COL12A1: variants seen among roughly 807,000 people sequenced by gnomAD.
COL12A1 encodes the protein collagen alpha-1(XII) chain.
In COL12A1, 114 loss-of-function variants were observed where a neutral mutation model predicts 349.7. The observed-to-expected ratio is 0.33, with a 90% CI of 0.28 to 0.38. The LOEUF (loss-of-function observed/expected upper bound fraction) is 0.38. COL12A1 is among the 10% of genes least tolerant of loss of function. The probability of loss-of-function intolerance (pLI) is 1.00; values close to 1 mark genes in which losing one functional copy is unlikely to be tolerated. For synonymous variants in COL12A1, 1,369 were observed against 1,329.0 expected, an observed-to-expected ratio of 1.03 and a Z score of -0.66; for missense variants, 3,284 against 3,756.9, an observed-to-expected ratio of 0.87 and a Z score of 3.29.
chr6:75,166,410 G>A (rs1768309875), intron 13 of COL12A1, among the ~76,000 whole-genome samples: 1 of 152,136 alleles, frequency 6.6e-6, no homozygotes, highest in African/African-American at 2.4e-5. Flanking sequence ...AAACTTAAAA[G>A]TGATTAGTCA....
chr6:75,159,542 A>C (rs1356196859), intron 14 of COL12A1, among the ~76,000 whole-genome samples: 2 of 150,812 alleles, frequency 1.3e-5, no homozygotes, highest in African/African-American at 4.8e-5. Flanking sequence ...AGTATATAGA[A>C]AAATAATCTA....
At chr6:75,132,678 A>T (rs1766369735) in intron 34 of COL12A1, among the ~76,000 whole-genome samples, 1 of 152,248 alleles carries the variant, frequency 6.6e-6, no homozygotes, top group South Asian at 2.1e-4. Flanking sequence ...TAATTTAACC[A>T]ATAACATCAT....
chr6:75,183,681 T>A (rs369800441), intron 9 of COL12A1, 29 bp from the exon 10 acceptor site: 2 of 1,569,054 alleles, frequency 1.3e-6, no homozygotes, highest in Non-Finnish European at 1.7e-6. Context: ...TACATTAAAC[T>A]TCAATACATA....
chr6:75,135,164 G>C (rs1416065954), intron 31 of COL12A1, among the ~76,000 whole-genome samples: 3 of 151,568 alleles, frequency 2.0e-5, no homozygotes, highest in African/African-American at 7.3e-5. Context: ...AAAAGGGGGC[G>C]GGGGGGACTA....
At chr6:75,186,285 A>G (rs1562302354) in intron 8 of COL12A1, among the ~76,000 whole-genome samples, 1 of 152,146 alleles carries the variant, frequency 6.6e-6, no homozygotes, top group African/African-American at 2.4e-5. Flanking sequence ...ACAACACACA[A>G]CCCCATTTAA....
chr6:75,159,424 T>C (rs943948691), intron 14 of COL12A1, among the ~76,000 whole-genome samples: 2 of 147,230 alleles, frequency 1.4e-5, no homozygotes, highest in Non-Finnish European at 3.0e-5. Flanking sequence ...ATATATAAAA[T>C]ATATATTATT....
chr6:75,152,981 GT>G (rs1426066011), intron 17 of COL12A1, among the ~76,000 whole-genome samples: 2 of 152,070 alleles, frequency 1.3e-5, no homozygotes, highest in Non-Finnish European at 2.9e-5. Flanking sequence ...CTAAAAAAAG[GT>G]TTTTGTGAGC....
intron 40 of COL12A1, 114 bp from the exon 41 acceptor site, chr6:75,124,485 T>A: frequency 2.9e-6 from 2 of 699,590 alleles, no homozygotes; most frequent in Non-Finnish European, 4.6e-6. Flanking sequence ...TTCAAAATTG[T>A]ATTATGTTTC....
At chr6:75,113,871 G>T in intron 49 of COL12A1, 127 bp from the exon 50 acceptor site, 2 of 704,378 alleles carry the variant, frequency 2.8e-6, no homozygotes, top group Non-Finnish European at 4.3e-6. Flanking sequence ...TCTCATATGG[G>T]TAGTATTAGA....
At chr6:75,100,060 G>A (rs973922781) in intron 58 of COL12A1, among the ~76,000 whole-genome samples, 2 of 152,210 alleles carry the variant, frequency 1.3e-5, no homozygotes, top group African/African-American at 4.8e-5. Flanking sequence ...TAAGCAGTAG[G>A]TAGGTACACA....
At chr6:75,109,240 C>A (rs2295253) in intron 51 of COL12A1, 73 bp from the exon 52 acceptor site, 1 of 1,106,686 alleles carries the variant, frequency 9.0e-7, no homozygotes, top group African/African-American at 1.7e-5. Context: ...TAGTTTAGAT[C>A]AGATTTTTTT....
At chr6:75,176,373 T>A (rs1215357360) in intron 12 of COL12A1, among the ~76,000 whole-genome samples, 1 of 99,816 alleles carries the variant, frequency 1.0e-5, no homozygotes, top group Non-Finnish European at 2.1e-5. Flanking sequence ...CTGTGGGAGG[T>A]GGGAGAGTGA....
intron 58 of COL12A1, among the ~76,000 whole-genome samples, chr6:75,098,368 G>C (rs1389728639): frequency 6.6e-6 from 1 of 152,226 alleles, no homozygotes; most frequent in Non-Finnish European, 1.5e-5. Flanking sequence ...AAGAGGCAAA[G>C]CTGGGCTGGA....
At chr6:75,108,881 T>C (rs1768693394) in intron 52 of COL12A1, 137 bp downstream of exon 52, 1 of 880,756 alleles carries the variant, frequency 1.1e-6, no homozygotes, top group African/African-American at 1.7e-5. Flanking sequence ...TTCCAATGTT[T>C]TGATCTGACC....
rs1455991752 is a variant in COL12A1 at position 75,137,671 on chromosome 6, A to C, written c.5252-92T>G. The C allele has an allele frequency of 3.0e-6, 4 of 1,353,798 alleles. No homozygotes were observed. The African/African-American group carries it at 4.4e-5, about 15-fold the overall frequency. 83.9% of individuals were successfully genotyped at this position (1,353,798 alleles called of 1,614,324 possible). The stretch of plus-strand genomic sequence containing the variant: ...GCTCCCAAGGCAATCAGAGAATTCT[A>C]TGCCTCTGGGTTTATAATTAAATTC... On this transcript the variant is annotated intron_variant, in intron 30 of 65. Transcript: ENST00000322507.
intron 2 of COL12A1, 72 bp downstream of exon 2, chr6:75,202,648 G>T: frequency 1.4e-6 from 2 of 1,421,832 alleles, no homozygotes; most frequent in Non-Finnish European, 1.9e-6. Context: ...AGCAATAGAA[G>T]CAAGAAAGAT....
chr6:75,130,841 T>G lies in COL12A1; in HGVS notation c.6067+11A>C, dbSNP rs1439891959. ...CAAGGGAATGGAATGGAGAAAGGAT[T>G]TCTGCCTCACGCGTTCGGCCCTGGG... On this transcript the variant is annotated intron_variant, in intron 36 of 65. Coordinates refer to ENST00000322507, the MANE Select transcript of COL12A1 (RefSeq NM_004370.6). 1 of 1,613,964 alleles carries G rather than the reference T, an allele frequency of 6.2e-7. No individual in the cohort carries two copies.
intron 12 of COL12A1, 146 bp downstream of exon 12, chr6:75,177,517 A>T: frequency 1.1e-6 from 1 of 883,360 alleles, no homozygotes; most frequent in Non-Finnish European, 1.7e-6. Flanking sequence ...AAAAATTTTA[A>T]CTTAAATCTA....
At chr6:75,204,347 AT>A (rs201029744) in intron 1 of COL12A1, among the ~76,000 whole-genome samples, 2 of 151,446 alleles carry the variant, frequency 1.3e-5, no homozygotes, top group Admixed American at 1.3e-4. Context: ...CTGTGCGCAG[AT>A]TTTTTTTTAA....
Sources: allele counts gnomAD v4.1 joint callset (sites outside exome capture counted in the v4.1 genomes callset), GRCh38; gene constraint gnomAD v4.1.1; transcripts MANE v1.5; gene names NCBI Gene and HGNC (gene_info 2026-07-23, HGNC 2026-07-21).